PDE1A: variants seen among roughly 807,000 people sequenced by gnomAD.
PDE1A encodes the protein phosphodiesterase 1A.
A neutral mutation model predicts 61.7 loss-of-function variants in PDE1A; 35 were observed. That is an observed-to-expected ratio of 0.57 (90% CI 0.43 to 0.75). The LOEUF (loss-of-function observed/expected upper bound fraction) is 0.75, where lower values mean the gene tolerates loss of function less well. PDE1A is among the 30% of genes least tolerant of loss of function. The probability of loss-of-function intolerance (pLI) is 0.00; values close to 1 mark genes in which losing one functional copy is unlikely to be tolerated. For synonymous variants in PDE1A, 232 were observed against 213.2 expected, an observed-to-expected ratio of 1.09 and a Z score of -0.77; for missense variants, 597 against 630.6, an observed-to-expected ratio of 0.95 and a Z score of 0.57.
At chr2:182,387,679 C>T (rs151103255) in intron 1 of PDE1A, among the ~76,000 whole-genome samples, 1 of 151,592 alleles carries the variant, frequency 6.6e-6, no homozygotes, top group South Asian at 2.1e-4. Flanking sequence ...ATTACTTGAA[C>T]CTGGGAGGTG....
Position 182,271,772 on chromosome 2 carries a change from A to G in PDE1A, c.54-7358T>C, listed in dbSNP as rs1292961078. Among the ~76,000 whole-genome samples the G allele has an allele frequency of 2.5e-4, 38 of 152,120 alleles. 1 individual carries two copies. Among genetic ancestry groups the G allele is most frequent in the Non-Finnish European group, 1.5e-5 (1 of 67,986 alleles). ...TTCAAAAAGAAATAGACAAAAGGGT[A>G]TTTATGGTTTGCATTAACTCCTGGT... On this transcript the variant is annotated intron_variant, in intron 1 of 13. Coordinates refer to ENST00000351439, the Ensembl canonical transcript of PDE1A.
At chr2:182,324,682 C>T (rs1559338243) in intron 1 of PDE1A, among the ~76,000 whole-genome samples, 2 of 152,272 alleles carry the variant, frequency 1.3e-5, no homozygotes, top group East Asian at 3.9e-4. Context: ...AGCACACGCT[C>T]ATCCCACGTC....
chr2:182,711,339 T>C, the PDE1A span, among the ~76,000 whole-genome samples: 8 of 152,240 alleles, frequency 5.3e-5, no homozygotes, highest in Middle Eastern at 6.8e-3. Context: ...GTTTCCTTAC[T>C]GTCAGACAGA....
At chr2:182,714,241 C>T in the PDE1A span, among the ~76,000 whole-genome samples, 4,143 of 152,192 alleles carry the variant, frequency 0.027, 80 homozygotes, top group East Asian at 0.1. Flanking sequence ...ATTCTTTTTC[C>T]GTGTGTGCTT....
At chr2:182,479,195 TAGAC>T (rs1403855988) in intron 2 of PDE1A, among the ~76,000 whole-genome samples, 2 of 151,918 alleles carry the variant, frequency 1.3e-5, no homozygotes, top group African/African-American at 4.8e-5. Flanking sequence ...AGGATTTTCT[TAGAC>T]AAACTCAAAT....
At chr2:182,177,939 T>C (rs548426507) in intron 13 of PDE1A, among the ~76,000 whole-genome samples, 1 of 152,302 alleles carries the variant, frequency 6.6e-6, no homozygotes, top group East Asian at 1.9e-4. Context: ...GAAACATACT[T>C]GATAAATGTT....
chr2:182,289,717 T>C (rs1384452818), intron 1 of PDE1A, among the ~76,000 whole-genome samples: 1 of 152,274 alleles, frequency 6.6e-6, no homozygotes, highest in South Asian at 2.1e-4. Flanking sequence ...GCCTTTTGCC[T>C]ACTAATGGCA....
Position 182,230,081 on chromosome 2 carries a change from AT to A in PDE1A, c.599del (p.Asn200IlefsTer6). The A allele has an allele frequency of 6.2e-7, 1 of 1,613,080 alleles. No individual in the cohort carries two copies. The highest frequency in any genetic ancestry group is 8.5e-7 in the Non-Finnish European group (1 of 1,179,312). Reference sequence around the variant, plus strand: ...CTGCATGAATCAAATTGTGATATGGATTTTTGTACTTGCTGTAACCAACTTC... The same window carrying A: ...CTGCATGAATCAAATTGTGATATGGATTTTGTACTTGCTGTAACCAACTTC... On this transcript the variant is annotated frameshift_variant, in exon 6 of 14. Transcript: ENST00000351439. LOFTEE classifies it high-confidence loss of function.
At chr2:182,559,360 G>C in the PDE1A span, among the ~76,000 whole-genome samples, 1 of 152,098 alleles carries the variant, frequency 6.6e-6, no homozygotes, top group Non-Finnish European at 1.5e-5. Flanking sequence ...TTTATCCTAG[G>C]TTAATAAAGC....
chr2:182,528,325 T>G, the PDE1A span, among the ~76,000 whole-genome samples: 3 of 152,184 alleles, frequency 2.0e-5, no homozygotes, highest in African/African-American at 7.2e-5. Flanking sequence ...GCAAAGAGAC[T>G]GGTGGCACTT....
intron 1 of PDE1A, among the ~76,000 whole-genome samples, chr2:182,310,651 T>C (rs1559323862): frequency 1.3e-5 from 2 of 152,188 alleles, no homozygotes; most frequent in African/African-American, 4.8e-5. Flanking sequence ...AATGTCCTCC[T>C]TTAATTTCTG....
At chr2:182,585,298 G>A in the PDE1A span, among the ~76,000 whole-genome samples, 10 of 152,076 alleles carry the variant, frequency 6.6e-5, no homozygotes, top group Admixed American at 5.2e-4. Context: ...AACTAATGGC[G>A]TGTTATTTTT....
chr2:182,485,303 G>A (rs1210102943), intron 2 of PDE1A, among the ~76,000 whole-genome samples: 1 of 152,018 alleles, frequency 6.6e-6, no homozygotes, highest in Non-Finnish European at 1.5e-5. Flanking sequence ...TTACAAGTGG[G>A]AGCTAAAAGA....
chr2:182,352,019 GATGTT>G (rs1698910002), intron 1 of PDE1A, among the ~76,000 whole-genome samples: 8 of 152,174 alleles, frequency 5.3e-5, no homozygotes, highest in Admixed American at 5.2e-4. Flanking sequence ...CACACATAAA[GATGTT>G]ATGAGATACA....
chr2:182,493,738 T>C (rs954954319), intron 2 of PDE1A, among the ~76,000 whole-genome samples: 4 of 152,136 alleles, frequency 2.6e-5, no homozygotes, highest in South Asian at 2.1e-4. Flanking sequence ...CCGAATACTA[T>C]GCAGCCATAA....
chr2:182,154,632 GC>G (rs2125281454), intron 13 of PDE1A, among the ~76,000 whole-genome samples: 1 of 152,130 alleles, frequency 6.6e-6, no homozygotes, highest in South Asian at 2.1e-4. Flanking sequence ...CTTGCCTGCC[GC>G]CATGTAAGCC....
intron 1 of PDE1A, among the ~76,000 whole-genome samples, chr2:182,368,031 T>C (rs1264148268): frequency 6.6e-6 from 1 of 152,062 alleles, no homozygotes; most frequent in African/African-American, 2.4e-5. Flanking sequence ...TGAATTACCA[T>C]ACATCCACCA....
At chr2:182,292,425 T>C (rs899523946) in intron 1 of PDE1A, among the ~76,000 whole-genome samples, 10 of 152,026 alleles carry the variant, frequency 6.6e-5, no homozygotes, top group African/African-American at 2.2e-4. Flanking sequence ...AAATAATTTT[T>C]AATTAAAATA....
At chr2:182,211,271 T>A (rs1379173870) in intron 7 of PDE1A, among the ~76,000 whole-genome samples, 1 of 152,222 alleles carries the variant, frequency 6.6e-6, no homozygotes, top group Non-Finnish European at 1.5e-5. Context: ...ATTGAAAAGA[T>A]TATTTTTGCT....
Sources: gnomAD v4.1 joint callset for allele counts (sites outside exome capture counted in the v4.1 genomes callset) on GRCh38, gnomAD v4.1.1 for gene constraint, MANE v1.5 for transcripts, NCBI Gene and HGNC (gene_info 2026-07-23, HGNC 2026-07-21) for gene names.